The following GHR variants were observed in gnomAD, a reference collection of about 807,000 sequenced individuals.
GHR encodes GH receptor.
GHR carries 35 observed loss-of-function variants against 67.1 expected under a neutral mutation model. The observed-to-expected ratio is 0.52, with a 90% confidence interval of 0.40 to 0.69. The LOEUF (loss-of-function observed/expected upper bound fraction) is 0.69, where lower values mean the gene tolerates loss of function less well. GHR is among the 30% of genes least tolerant of loss of function. The pLI is 0.00. For synonymous variants in GHR, 272 were observed against 269.1 expected (o/e 1.01, Z -0.10); for missense variants, 792 against 764.6 (o/e 1.04, Z -0.42).
intron 3 of GHR, among the ~76,000 whole-genome samples, chr5:42,636,244 A>G (rs992753919): frequency 4.6e-5 from 7 of 151,802 alleles, no homozygotes; most frequent in African/African-American, 9.7e-5. Flanking sequence ...TTAGAGCCTA[A>G]GAAGGATGAT....
chr5:42,719,528 C>T lies in GHR; in HGVS notation c.*104C>T, dbSNP rs1205773076. 2.3e-5 allele frequency: 25 copies of T among 1,071,590 alleles called. No homozygotes were observed. Among genetic ancestry groups the T allele is most frequent in the Non-Finnish European group, 3.3e-5 (23 of 698,776 alleles). The allele number at this position is 1,071,590 out of a possible 1,614,324, so 66.4% of individuals were successfully genotyped here. Reference sequence around the variant, plus strand: ...GTTTAAACCTTTTTTGGGGGAGTGACAGGATGGGGTATGGATTCTAAAATG... The same window carrying T: ...GTTTAAACCTTTTTTGGGGGAGTGATAGGATGGGGTATGGATTCTAAAATG... On this transcript the variant is annotated 3_prime_UTR_variant, in exon 10 of 10. Coordinates refer to ENST00000230882, the MANE Select transcript of GHR (RefSeq NM_000163.5).
At chr5:42,618,788 C>T (rs1481022420) in intron 2 of GHR, among the ~76,000 whole-genome samples, 8 of 152,010 alleles carry the variant, frequency 5.3e-5, no homozygotes, top group Admixed American at 4.6e-4. Flanking sequence ...GATCTTCCCC[C>T]TATTCTGGAG....
intron 3 of GHR, among the ~76,000 whole-genome samples, chr5:42,636,575 CAT>C (rs144082351): frequency 0.038 from 5,735 of 152,320 alleles, 163 homozygotes; most frequent in Non-Finnish European, 0.062. Context: ...CTTCTGCACA[CAT>C]GAGTCTCTCA....
intron 1 of GHR, among the ~76,000 whole-genome samples, chr5:42,556,469 A>AT (rs1374568911): frequency 6.6e-6 from 1 of 152,218 alleles, no homozygotes; most frequent in Non-Finnish European, 1.5e-5. Context: ...TCCATGATCT[A>AT]TATGATCTAT....
chr5:42,467,259 G>T, intron 1 of GHR: 1 of 1,330,604 alleles, frequency 7.5e-7, no homozygotes, highest in Non-Finnish European at 1.1e-6. Context: ...ACATAATAAG[G>T]TGTGAAAAAC....
chr5:42,664,979 A>G (rs1755877271), intron 3 of GHR, among the ~76,000 whole-genome samples: 1 of 152,246 alleles, frequency 6.6e-6, no homozygotes, highest in South Asian at 2.1e-4. Flanking sequence ...ATGCAGCCAA[A>G]AAACACATGA....
At chr5:42,557,792 G>A (rs1359778553) in intron 1 of GHR, among the ~76,000 whole-genome samples, 1 of 152,192 alleles carries the variant, frequency 6.6e-6, no homozygotes, top group East Asian at 1.9e-4. Flanking sequence ...AGCTGCCAGT[G>A]GATCAGATGT....
intron 3 of GHR, among the ~76,000 whole-genome samples, chr5:42,676,987 T>A (rs1475391747): frequency 6.6e-6 from 1 of 152,172 alleles, no homozygotes; most frequent in East Asian, 1.9e-4. Flanking sequence ...GTAAGCTCAG[T>A]ACTTCTCAGC....
intron 1 of GHR, among the ~76,000 whole-genome samples, chr5:42,544,115 C>A (rs962327804): frequency 2.0e-5 from 3 of 152,090 alleles, no homozygotes; most frequent in African/African-American, 7.2e-5. Context: ...AAAAATCAAG[C>A]TGATTAAAAT....
chr5:42,609,628 T>G (rs917992549), intron 2 of GHR, among the ~76,000 whole-genome samples: 1 of 152,130 alleles, frequency 6.6e-6, no homozygotes, highest in Admixed American at 6.6e-5. Flanking sequence ...AAGGATGAAG[T>G]GTCCTCATTG....
At chr5:42,453,146 ACT>A (rs1379844667) in intron 1 of GHR, among the ~76,000 whole-genome samples, 2 of 150,236 alleles carry the variant, frequency 1.3e-5, no homozygotes, top group Non-Finnish European at 3.0e-5. Context: ...AGGGGTGAAG[ACT>A]CTGTACGAGA....
At chr5:42,640,867 T>C (rs1430111462) in intron 3 of GHR, among the ~76,000 whole-genome samples, 3 of 152,234 alleles carry the variant, frequency 2.0e-5, no homozygotes, top group East Asian at 3.9e-4. Context: ...GAATCCCTGC[T>C]TTTATGTTCT....
chr5:42,468,783 G>T, intron 1 of GHR: 1 of 1,091,118 alleles, frequency 9.2e-7, no homozygotes, highest in Non-Finnish European at 1.4e-6. Flanking sequence ...TCAGCACCTC[G>T]AAGGGGTCCG....
intron 4 of GHR, among the ~76,000 whole-genome samples, chr5:42,693,361 C>A (rs901389025): frequency 6.6e-6 from 1 of 152,022 alleles, no homozygotes; most frequent in Admixed American, 6.5e-5. Context: ...AGGCTGGTCT[C>A]AATCTCCTAA....
Position 42,503,795 on chromosome 5 carries a change from CT to C in GHR, c.-11-62060del, listed in dbSNP as rs35515771. Among the ~76,000 whole-genome samples, 277 of 151,080 alleles carry C rather than the reference CT, an allele frequency of 1.8e-3. 3 individuals are homozygous for C. The East Asian group carries it at 0.029, about 16-fold the overall frequency. ...AGGGAATGCCTCTCTAATTAGATGA[CT>C]TTTTTTTTAATAGAACTGAAGGACA... On this transcript the variant is annotated intron_variant, in intron 1 of 9. Coordinates refer to ENST00000230882, the MANE Select transcript of GHR (RefSeq NM_000163.5).
At chr5:42,618,662 A>C (rs768634897) in intron 2 of GHR, among the ~76,000 whole-genome samples, 1 of 152,182 alleles carries the variant, frequency 6.6e-6, no homozygotes, top group African/African-American at 2.4e-5. Context: ...ATTCACAGGC[A>C]ATCGTAATCA....
At chr5:42,650,570 A>G (rs1754964485) in intron 3 of GHR, among the ~76,000 whole-genome samples, 1 of 101,420 alleles carries the variant, frequency 9.9e-6, no homozygotes, top group Admixed American at 1.2e-4. Context: ...ACTCACTTTT[A>G]CAGATAACAT....
chr5:42,471,649 TG>T (rs764408963), intron 1 of GHR, among the ~76,000 whole-genome samples: 15 of 152,222 alleles, frequency 9.9e-5, no homozygotes, highest in Non-Finnish European at 7.3e-5. Flanking sequence ...CTGGTTTTCC[TG>T]AGGATTAAAT....
In GHR at chr5:42,460,931, C is replaced by T. The variant is rs890794502; in HGVS notation, c.-12+36976C>T. Among the ~76,000 whole-genome samples the T allele has an allele frequency of 3.9e-4, 59 of 152,266 alleles. 1 individual carries two copies. The highest frequency in any genetic ancestry group is 1.3e-3 in the African/African-American group (55 of 41,560). ...ACCTAATGTAATATCATTTGAGAGG[C>T]TCAAAGAGGATCCCATATTCCCAAA... is the stretch of plus-strand genomic sequence containing the variant. On this transcript the variant is annotated intron_variant, in intron 1 of 9. Coordinates refer to ENST00000230882, the MANE Select transcript of GHR (RefSeq NM_000163.5).
Sources: allele counts gnomAD v4.1 joint callset (sites outside exome capture counted in the v4.1 genomes callset), GRCh38; gene constraint gnomAD v4.1.1; transcripts MANE v1.5; gene names NCBI Gene and HGNC (gene_info 2026-07-23, HGNC 2026-07-21).